Variants in NSUN6 observed in about 807,000 individuals in gnomAD.
The protein encoded by NSUN6 is tRNA (cytosine(72)-C(5))-methyltransferase NSUN6.
Under a neutral mutation model 58.0 loss-of-function variants are expected in NSUN6, and 64 were observed. The ratio of observed to expected loss-of-function variants is 1.10; its 90% CI spans 0.90 to 1.36. The LOEUF (loss-of-function observed/expected upper bound fraction) is 1.36, where lower values mean the gene tolerates loss of function less well. Ranked by LOEUF, NSUN6 falls within the 40% of genes most tolerant of loss-of-function variation. The pLI, the probability that NSUN6 is intolerant of heterozygous loss-of-function variation, is 0.00. For missense variants in NSUN6, 701 were observed against 550.1 expected, an observed-to-expected ratio of 1.27 and a Z score of -2.74; for synonymous variants, 231 against 193.9, an observed-to-expected ratio of 1.19 and a Z score of -1.59.
At position 18,548,251 on chromosome 10, in the gene NSUN6, T is replaced by G; in HGVS notation, c.1072-14A>C. 1 of 1,609,794 alleles carries G rather than the reference T, an allele frequency of 6.2e-7. No homozygotes were observed. The highest frequency in any genetic ancestry group is 8.5e-7 in the Non-Finnish European group (1 of 1,177,164). ...CAGCTGAACCGCCTAAAGAAAACTG[T>G]GATCAGACCACACACAGCACAAGAC... On this transcript the variant is annotated splice_polypyrimidine_tract_variant and intron_variant, in intron 9 of 10. Transcript: ENST00000377304.
rs563159985 is a variant in NSUN6, at chr10:18,642,831, C to G, written c.232-276G>C. ...AACCGTGGTTACCCTAAATGATTTA[C>G]TTTAGAAACTTTTATTTAATATAGA... On this transcript the variant is annotated intron_variant, in intron 2 of 10. Transcript: ENST00000377304. 3.3e-5 allele frequency among the ~76,000 whole-genome samples: 5 copies of G among 152,242 alleles called. No homozygotes were observed. In the South Asian group the frequency reaches 1.0e-3, roughly 32 times the overall value.
intron 3 of NSUN6, among the ~76,000 whole-genome samples, chr10:18,630,533 G>A (rs2058990788): frequency 6.6e-6 from 1 of 152,042 alleles, no homozygotes; most frequent in Admixed American, 6.6e-5. Flanking sequence ...AAAAAAGAGA[G>A]AAGAATCAAA....
chr10:18,625,539 T>G (rs2058761756), intron 3 of NSUN6, among the ~76,000 whole-genome samples: 1 of 151,288 alleles, frequency 6.6e-6, no homozygotes, highest in Non-Finnish European at 1.5e-5. Context: ...ATGGTAAAAC[T>G]CCGTCTCTAC....
chr10:18,551,203 T>G (rs1252843076), intron 9 of NSUN6, among the ~76,000 whole-genome samples: 2 of 149,956 alleles, frequency 1.3e-5, no homozygotes, highest in African/African-American at 4.9e-5. Flanking sequence ...GTGAGTCAAC[T>G]TAAATGAAAA....
intron 7 of NSUN6, among the ~76,000 whole-genome samples, chr10:18,594,447 G>GCTGTTTT (rs1341565234): frequency 6.8e-6 from 1 of 146,014 alleles, no homozygotes; most frequent in Non-Finnish European, 1.5e-5. Flanking sequence ...TTTTGTTGTT[G>GCTGTTTT]TTGTTTTTTG....
chr10:18,602,513 C>T (rs1358115225), intron 6 of NSUN6, among the ~76,000 whole-genome samples: 1 of 151,830 alleles, frequency 6.6e-6, no homozygotes, highest in Non-Finnish European at 1.5e-5. Flanking sequence ...GGATTACAGG[C>T]GTAACCCACC....
chr10:18,549,133 C>T (rs551157764), intron 9 of NSUN6, among the ~76,000 whole-genome samples: 1 of 152,322 alleles, frequency 6.6e-6, no homozygotes, highest in South Asian at 2.1e-4. Flanking sequence ...CACATGTCCT[C>T]CATGATCACT....
chr10:18,614,857 T>A (rs1285241353), intron 4 of NSUN6, among the ~76,000 whole-genome samples: 1 of 152,050 alleles, frequency 6.6e-6, no homozygotes, highest in Non-Finnish European at 1.5e-5. Flanking sequence ...CTTCAAAACA[T>A]CCTACCCTCA....
chr10:18,600,506 T>C (rs1260340766), intron 6 of NSUN6, among the ~76,000 whole-genome samples: 1 of 152,100 alleles, frequency 6.6e-6, no homozygotes, highest in African/African-American at 2.4e-5. Flanking sequence ...GTACCTATAG[T>C]ACCAGCTCCT....
intron 3 of NSUN6, among the ~76,000 whole-genome samples, chr10:18,621,108 C>A (rs566135469): frequency 9.2e-5 from 14 of 152,286 alleles, no homozygotes; most frequent in African/African-American, 3.4e-4. Flanking sequence ...AATTATTGAA[C>A]AAACTATGAT....
chr10:18,632,346 C>T (rs2059061534), intron 3 of NSUN6, among the ~76,000 whole-genome samples: 1 of 125,200 alleles, frequency 8.0e-6, no homozygotes, highest in African/African-American at 2.9e-5. Context: ...TAGGCATGGG[C>T]AAGGACTTCA....
chr10:18,648,496 A>T lies in NSUN6; in HGVS notation c.225T>A (p.Leu75=). Residue 75 remains leucine, a synonymous_variant, in exon 2 of 11, where the codon CTT becomes CTA. Coordinates refer to ENST00000377304, the MANE Select transcript of NSUN6 (RefSeq NM_182543.5). Reference sequence around the variant, plus strand: ...ACAGAAAATTTCCACAAACCTTCTGAAGTTCATCAAGTAACAGATTTTTCA... The same window carrying T: ...ACAGAAAATTTCCACAAACCTTCTGTAGTTCATCAAGTAACAGATTTTTCA... ...QHVKNLLLDE[L]QKQFNGLSVP... is the part of the protein sequence containing the mutation. 1 of 1,596,028 alleles carries T rather than the reference A, an allele frequency of 6.3e-7. No homozygotes were observed. The highest frequency in any genetic ancestry group is 8.6e-7 in the Non-Finnish European group (1 of 1,168,154).
intron 3 of NSUN6, among the ~76,000 whole-genome samples, chr10:18,624,756 T>G (rs2058732171): frequency 6.6e-6 from 1 of 150,692 alleles, no homozygotes; most frequent in Non-Finnish European, 1.5e-5. Context: ...AGACTGCGGT[T>G]CTTAGAAAGG....
intron 8 of NSUN6, among the ~76,000 whole-genome samples, chr10:18,571,197 T>C (rs752189522): frequency 2.0e-5 from 3 of 150,972 alleles, no homozygotes; most frequent in Non-Finnish European, 4.4e-5. Context: ...TTCCCTTCCA[T>C]TCTCTTCCAT....
intron 3 of NSUN6, among the ~76,000 whole-genome samples, chr10:18,621,383 G>A (rs2058601196): frequency 6.6e-6 from 1 of 152,178 alleles, no homozygotes; most frequent in African/African-American, 2.4e-5. Flanking sequence ...AGTATGTGCT[G>A]AATTCCCTAA....
At chr10:18,605,630 T>C (rs1024113798) in intron 6 of NSUN6, among the ~76,000 whole-genome samples, 1 of 152,200 alleles carries the variant, frequency 6.6e-6, no homozygotes, top group African/African-American at 2.4e-5. Flanking sequence ...AGTTGGCGTC[T>C]AGATAGGCTG....
intron 6 of NSUN6, among the ~76,000 whole-genome samples, chr10:18,607,722 G>A (rs2058092354): frequency 6.6e-6 from 1 of 152,244 alleles, no homozygotes; most frequent in Non-Finnish European, 1.5e-5. Flanking sequence ...GGTTACATCT[G>A]GAGCATTGGC....
At position 18,609,860 on chromosome 10, in the gene NSUN6, A is replaced by T. The variant is rs1013540393; in HGVS notation, c.642T>A (p.Arg214=). 6.4e-7 allele frequency: 1 copy of T among 1,574,568 alleles called. No homozygotes were observed. Among genetic ancestry groups the T allele is most frequent in the African/African-American group, 1.3e-5 (1 of 74,238 alleles). The stretch of plus-strand genomic sequence containing the variant: ...ACATACTTACTTGTAAAAATAAGTA[A>T]CGGGGCAGTACACTGTCAAATGAAG... The part of the protein sequence containing the change: ...LSPSFDSVLP[R]YLFLQNLPSA... The change falls in exon 6 of 11, where the codon CGT becomes CGA. Residue 214 remains arginine (R), a synonymous_variant. Coordinates refer to ENST00000377304, the MANE Select transcript of NSUN6 (RefSeq NM_182543.5).
intron 8 of NSUN6, among the ~76,000 whole-genome samples, chr10:18,583,243 A>G (rs927061572): frequency 2.0e-5 from 3 of 152,154 alleles, no homozygotes; most frequent in Non-Finnish European, 4.4e-5. Context: ...CTAACAATAG[A>G]TAACCACCTT....
Sources: gnomAD v4.1 joint callset for allele counts (sites outside exome capture counted in the v4.1 genomes callset) on GRCh38, gnomAD v4.1.1 for gene constraint, MANE v1.5 for transcripts, NCBI Gene and HGNC (gene_info 2026-07-23, HGNC 2026-07-21) for gene names.